CLIP2: variants seen among roughly 807,000 people sequenced by gnomAD.
CLIP2 encodes the protein CAP-Gly domain containing linker protein 2, also known as CAP-Gly domain-containing linker protein 2.
In CLIP2, 41 loss-of-function variants were observed where a neutral mutation model predicts 111.7. That is an observed-to-expected ratio of 0.37 (90% CI 0.29 to 0.48). The LOEUF is 0.48. Among genes scored for constraint, CLIP2 ranks in the 20% least tolerant of loss-of-function variants. CLIP2 has a pLI of 0.99. For missense variants in CLIP2, 1,160 were observed against 1,422.1 expected (o/e 0.82, Z 2.96); for synonymous variants, 660 against 644.2 (o/e 1.02, Z -0.37).
At position 74,359,577 on chromosome 7, in the gene CLIP2, A is replaced by C. The variant is rs79910968; in HGVS notation, c.1216-598A>C. 9.8e-3 allele frequency among the ~76,000 whole-genome samples: 1,487 copies of C among 151,948 alleles called. 15 individuals are homozygous for C. Among genetic ancestry groups the C allele is most frequent in the Middle Eastern group, 0.014 (4 of 292 alleles). On this transcript the variant is annotated intron_variant, in intron 6 of 16. Transcript: ENST00000223398. ...TCACCATGTTAGCCAGGATGGTCTC[A>C]ATCTCCTGACCTTGTGATCCGCCCG...
chr7:74,310,840 T>C (rs1273947037), intron 1 of CLIP2, among the ~76,000 whole-genome samples: 1 of 152,014 alleles, frequency 6.6e-6, no homozygotes, highest in Admixed American at 6.6e-5. Context: ...GCCTTCCAGG[T>C]AGTTGGGACC....
chr7:74,309,380 C>A (rs913918337), intron 1 of CLIP2, among the ~76,000 whole-genome samples: 3 of 152,226 alleles, frequency 2.0e-5, no homozygotes, highest in Admixed American at 2.0e-4. Flanking sequence ...TCACCACACC[C>A]CAGTTTTAGG....
chr7:74,369,740 C>A (rs1790553413), intron 8 of CLIP2, among the ~76,000 whole-genome samples: 1 of 122,450 alleles, frequency 8.2e-6, no homozygotes, highest in South Asian at 3.0e-4. Context: ...GCCTGTAATT[C>A]CAGCTACTCG....
chr7:74,323,354 C>T (rs1789017684), intron 2 of CLIP2, among the ~76,000 whole-genome samples: 2 of 151,926 alleles, frequency 1.3e-5, no homozygotes, highest in South Asian at 4.1e-4. Flanking sequence ...TCAAGCGATC[C>T]TCCCACCTCA....
rs373141145 is a variant in CLIP2 at position 74,372,957 on chromosome 7, G to A, written c.1406G>A (p.Arg469His). ...ACCCAGACGCAGCTGGAGCACGCGC[G>A]CATTGGGGAGCTGGAACAGAGCCTG... ...LETQTQLEHA[R>H]IGELEQSLLL... The change falls in exon 9 of 17, where the codon CGC becomes CAC. Residue 469 changes from arginine (R) to histidine (H), a missense_variant. Physicochemically the swap from Arg to His is conservative, Grantham distance 29. Transcript: ENST00000223398. The A allele has an allele frequency of 5.7e-6, 8 of 1,415,148 alleles. No homozygotes were observed. The highest frequency in any genetic ancestry group is 1.2e-5 in the South Asian group (1 of 85,334). The allele number at this position is 1,415,148 out of a possible 1,614,324, so 87.7% of individuals were successfully genotyped here.
chr7:74,360,229 G>C lies in CLIP2; in HGVS notation c.1270G>C (p.Val424Leu). 6.2e-7 allele frequency: 1 copy of C among 1,608,046 alleles called. No individual in the cohort carries two copies. Among genetic ancestry groups the C allele is most frequent in the Middle Eastern group, 1.7e-4 (1 of 6,056 alleles). Reference sequence around the variant, plus strand: ...GCGAGCCCGGCTGCTCGTGGAGAGCGTGCGGAAAGAGAAGGTGGACCTGTC... The same window carrying C: ...GCGAGCCCGGCTGCTCGTGGAGAGCCTGCGGAAAGAGAAGGTGGACCTGTC... ...LQRARLLVES[V>L]RKEKVDLSNQ... Residue 424 changes from valine to leucine, a missense_variant, in exon 7 of 17, where the codon GTG becomes CTG. Transcript: ENST00000223398.
chr7:74,299,881 G>C (rs1788279049), intron 1 of CLIP2, among the ~76,000 whole-genome samples: 1 of 151,172 alleles, frequency 6.6e-6, no homozygotes, highest in South Asian at 2.1e-4. Flanking sequence ...ATTTTTAGTA[G>C]AGACAGGGTT....
intron 8 of CLIP2, 60 bp from the exon 9 acceptor site, chr7:74,372,872 T>TGGGG: frequency 1.4e-6 from 1 of 695,164 alleles, no homozygotes; most frequent in East Asian, 3.7e-5. Flanking sequence ...TTCTTCCCTG[T>TGGGG]GCCCCCCTCC....
In CLIP2 at chr7:74,338,313, C is replaced by G; in HGVS notation, c.122-135C>G. 1.0e-6 allele frequency: 1 copy of G among 990,004 alleles called. No homozygotes were observed. Among genetic ancestry groups the G allele is most frequent in the Non-Finnish European group, 1.4e-6 (1 of 691,346 alleles). 61.3% of individuals were successfully genotyped at this position (990,004 alleles called of 1,614,324 possible). A position where few individuals can be genotyped will look rare whatever the true frequency, so the allele number is the denominator to read the frequency against. On this transcript the variant is annotated intron_variant, in intron 2 of 16. Coordinates refer to ENST00000223398, the MANE Select transcript of CLIP2 (RefSeq NM_003388.5). The surrounding 1 kb of genome is among the most constrained non-coding windows in gnomAD (Gnocchi z 4.3). Reference sequence around the variant, plus strand: ...GGTCAGGAGTTCGAGACCAGCCTGGCCGAGATGGTGAAACCCCATCTCTAC... The same window carrying G: ...GGTCAGGAGTTCGAGACCAGCCTGGGCGAGATGGTGAAACCCCATCTCTAC...
intron 2 of CLIP2, among the ~76,000 whole-genome samples, chr7:74,331,124 T>C (rs1160115737): frequency 6.9e-6 from 1 of 144,010 alleles, no homozygotes; most frequent in African/African-American, 2.6e-5. Context: ...GAGAATCACT[T>C]GAACCCAGGA....
At chr7:74,321,500 C>T (rs181427147) in intron 2 of CLIP2, among the ~76,000 whole-genome samples, 1 of 152,094 alleles carries the variant, frequency 6.6e-6, no homozygotes, top group East Asian at 1.9e-4. Flanking sequence ...GATACAGTCT[C>T]GCTCTGTCAC....
At chr7:74,348,789 CAAAAA>C (rs377752236) in intron 3 of CLIP2, among the ~76,000 whole-genome samples, 1 of 108,436 alleles carries the variant, frequency 9.2e-6, no homozygotes, top group East Asian at 2.9e-4. Flanking sequence ...GACTCTGTCT[CAAAAA>C]AAAAAAAAAA....
At chr7:74,328,969 G>T (rs890638226) in intron 2 of CLIP2, among the ~76,000 whole-genome samples, 1 of 150,648 alleles carries the variant, frequency 6.6e-6, no homozygotes, top group Admixed American at 6.6e-5. Context: ...CTGGAGTGCA[G>T]TGGTGCGATC....
intron 2 of CLIP2, among the ~76,000 whole-genome samples, chr7:74,333,170 T>C (rs1160162014): frequency 6.6e-6 from 1 of 152,114 alleles, no homozygotes; most frequent in African/African-American, 2.4e-5. Context: ...ATAAATCAAC[T>C]GCATGTAGGA....
chr7:74,296,563 G>A (rs1374344545), intron 1 of CLIP2, among the ~76,000 whole-genome samples: 3 of 151,910 alleles, frequency 2.0e-5, no homozygotes, highest in Non-Finnish European at 4.4e-5. Context: ...GCTGAGGCAG[G>A]CAGATCATGA....
At chr7:74,375,753 C>T (rs1298464607) in intron 9 of CLIP2, 134 bp from the exon 10 acceptor site, 26 of 701,490 alleles carry the variant, frequency 3.7e-5, no homozygotes, top group Non-Finnish European at 5.9e-5. Context: ...GCGCCTTTCC[C>T]TTCCCATGAC....
intron 2 of CLIP2, among the ~76,000 whole-genome samples, chr7:74,336,584 C>T (rs1789466501): frequency 6.6e-6 from 1 of 152,024 alleles, no homozygotes; most frequent in Non-Finnish European, 1.5e-5. Flanking sequence ...GGGAAACCAC[C>T]CCTGTGATTC....
rs782208048 is a variant in CLIP2 at position 74,376,043 on chromosome 7, C to T, written c.1642C>T (p.Arg548Trp). The part of the protein sequence containing the change: ...DAAEILRLRE[R>W]LLSASKEHQR... Reference sequence around the variant, plus strand: ...CGCCGAGATCCTGCGGCTACGGGAGCGGCTGCTCTCGGCCAGCAAGGAACA... The same window carrying T: ...CGCCGAGATCCTGCGGCTACGGGAGTGGCTGCTCTCGGCCAGCAAGGAACA... Residue 548 changes from arginine (R) to tryptophan (W), a missense_variant, in exon 10 of 17, where the codon CGG becomes TGG. By Grantham distance (101) the Arg-to-Trp change is moderately radical. This residue lies in a region of CLIP2 where 676 missense variants were observed against 777.8 expected (regional missense o/e 0.87). Coordinates refer to ENST00000223398, the MANE Select transcript of CLIP2 (RefSeq NM_003388.5). The surrounding 1 kb of genome is among the most constrained non-coding windows in gnomAD (Gnocchi z 7.1). 6.2e-6 allele frequency: 10 copies of T among 1,612,624 alleles called. No individual in the cohort carries two copies. The highest frequency in any genetic ancestry group is 2.2e-5 in the East Asian group (1 of 44,862).
At chr7:74,375,836 TTCCAGCCA>T (rs1554312653) in intron 9 of CLIP2, 43 bp from the exon 10 acceptor site, 2 of 1,443,406 alleles carry the variant, frequency 1.4e-6, no homozygotes, top group African/African-American at 2.9e-5. Flanking sequence ...CCTCCTTACC[TTCCAGCCA>T]GCCAGCCAGC....
Sources: gnomAD v4.1 joint callset for allele counts (sites outside exome capture counted in the v4.1 genomes callset) on GRCh38, gnomAD v4.1.1 for gene constraint, gnomAD v4.1.1 regional missense constraint, Gnocchi (gnomAD v3.1) non-coding constraint, MANE v1.5 for transcripts, NCBI Gene and HGNC (gene_info 2026-07-23, HGNC 2026-07-21) for gene names.